Variants in ANKIB1 observed in about 807,000 individuals in gnomAD.
The protein encoded by ANKIB1 is ankyrin repeat and IBR domain containing 1, also known as ankyrin repeat and IBR domain-containing protein 1.
ANKIB1 carries 43 observed loss-of-function variants against 122.1 expected under a neutral mutation model. The observed-to-expected ratio is 0.35, with a 90% CI of 0.28 to 0.45. The LOEUF is 0.45. Among genes scored for constraint, ANKIB1 ranks in the 20% least tolerant of loss-of-function variants. The pLI is 1.00. For missense variants in ANKIB1, 992 were observed against 1,329.5 expected (o/e 0.75, Z 3.95); for synonymous variants, 390 against 442.0 (o/e 0.88, Z 1.48).
chr7:92,331,715 C>G (rs1025751654), intron 5 of ANKIB1, among the ~76,000 whole-genome samples: 2 of 152,132 alleles, frequency 1.3e-5, no homozygotes, highest in African/African-American at 4.8e-5. Context: ...ATATGTCACT[C>G]CTGTACGTAT....
intron 3 of ANKIB1, among the ~76,000 whole-genome samples, chr7:92,312,796 A>G (rs1474204971): frequency 6.6e-6 from 1 of 152,176 alleles, no homozygotes; most frequent in African/African-American, 2.4e-5. Flanking sequence ...GTACTATGTA[A>G]TGGATACTCA....
At chr7:92,301,057 T>TTATTCCATAAA (rs1258074647) in intron 2 of ANKIB1, among the ~76,000 whole-genome samples, 7 of 152,194 alleles carry the variant, frequency 4.6e-5, no homozygotes, top group Non-Finnish European at 8.8e-5. Context: ...AATATTCCAT[T>TTATTCCATAAA]GTATATATGC....
intron 2 of ANKIB1, among the ~76,000 whole-genome samples, chr7:92,298,388 T>A (rs147062277): frequency 1.4e-3 from 212 of 152,092 alleles, no homozygotes; most frequent in African/African-American, 4.9e-3. Context: ...ATAAAATGTA[T>A]TTAAGTATTA....
chr7:92,271,888 A>G (rs187601861), intron 1 of ANKIB1, among the ~76,000 whole-genome samples: 85 of 152,342 alleles, frequency 5.6e-4, no homozygotes, highest in African/African-American at 1.9e-3. Context: ...TGAAATGGAC[A>G]GGCAGGAATG....
chr7:92,323,173 A>G (rs1160267406), intron 4 of ANKIB1, among the ~76,000 whole-genome samples: 1 of 152,176 alleles, frequency 6.6e-6, no homozygotes, highest in African/African-American at 2.4e-5. Flanking sequence ...ATAAGATTTT[A>G]AACTTTGTCA....
intron 11 of ANKIB1, among the ~76,000 whole-genome samples, chr7:92,377,343 T>C (rs1804405425): frequency 6.6e-6 from 1 of 152,312 alleles, no homozygotes; most frequent in East Asian, 1.9e-4. Flanking sequence ...ATATTAAGTT[T>C]GCCATCTTAT....
intron 5 of ANKIB1, among the ~76,000 whole-genome samples, chr7:92,333,019 G>A (rs909772909): frequency 2.6e-5 from 4 of 152,122 alleles, no homozygotes; most frequent in African/African-American, 9.7e-5. Flanking sequence ...CAGAAACCTG[G>A]AACACCAACT....
At chr7:92,354,852 TC>T (rs530654447) in intron 9 of ANKIB1, among the ~76,000 whole-genome samples, 19 of 151,708 alleles carry the variant, frequency 1.3e-4, no homozygotes, top group African/African-American at 4.6e-4. Context: ...AGAGAGATCT[TC>T]ACAAATTAAA....
chr7:92,306,929 A>T (rs933433163), intron 2 of ANKIB1, among the ~76,000 whole-genome samples: 4 of 152,200 alleles, frequency 2.6e-5, no homozygotes, highest in African/African-American at 9.7e-5. Flanking sequence ...ATAACTATGT[A>T]TGCAACAAAT....
intron 1 of ANKIB1, among the ~76,000 whole-genome samples, chr7:92,250,531 T>C (rs1801307036): frequency 6.6e-6 from 1 of 152,252 alleles, no homozygotes; most frequent in African/African-American, 2.4e-5. Context: ...GTTTACCTTT[T>C]TTTCCCTCTA....
intron 1 of ANKIB1, among the ~76,000 whole-genome samples, chr7:92,265,984 A>G (rs1476261762): frequency 6.6e-6 from 1 of 152,230 alleles, no homozygotes; most frequent in East Asian, 1.9e-4. Flanking sequence ...CTAAAACAGA[A>G]TGAGATCAAC....
intron 3 of ANKIB1, among the ~76,000 whole-genome samples, chr7:92,316,074 A>AG (rs1297228017): frequency 6.6e-6 from 1 of 152,134 alleles, no homozygotes; most frequent in Non-Finnish European, 1.5e-5. Context: ...GAATAGAAGA[A>AG]CAGATGTGCT....
At chr7:92,329,795 C>A (rs940447400) in intron 5 of ANKIB1, among the ~76,000 whole-genome samples, 60 of 152,180 alleles carry the variant, frequency 3.9e-4, no homozygotes, top group African/African-American at 1.4e-3. Context: ...CCTTCACTCT[C>A]CCTAGCTCTT....
chr7:92,319,007 G>GTAAC (rs1802850519), intron 3 of ANKIB1, among the ~76,000 whole-genome samples: 1 of 152,080 alleles, frequency 6.6e-6, no homozygotes, highest in Admixed American at 6.6e-5. Flanking sequence ...AAAGTACTGA[G>GTAAC]TAACTATAAG....
intron 1 of ANKIB1, among the ~76,000 whole-genome samples, chr7:92,257,815 A>G (rs1038144244): frequency 7.9e-5 from 12 of 152,226 alleles, no homozygotes; most frequent in African/African-American, 2.9e-4. Flanking sequence ...ATAAAATAAA[A>G]TAAAGATTAT....
At chr7:92,322,002 A>G (rs1802922571) in intron 4 of ANKIB1, among the ~76,000 whole-genome samples, 1 of 152,078 alleles carries the variant, frequency 6.6e-6, no homozygotes, top group Admixed American at 6.6e-5. Context: ...CTAGAAAATA[A>G]CTGAATAACT....
chr7:92,338,924 AAAAAAAAAAAT>A (rs1258131658), intron 5 of ANKIB1, among the ~76,000 whole-genome samples: 26 of 60,728 alleles, frequency 4.3e-4, no homozygotes, highest in Non-Finnish European at 7.6e-4. Flanking sequence ...AAAAAAAAAA[AAAAAAAAAAAT>A]ATATATATAT....
At chr7:92,279,624 G>A (rs1399625551) in intron 1 of ANKIB1, among the ~76,000 whole-genome samples, 1 of 152,182 alleles carries the variant, frequency 6.6e-6, no homozygotes, top group African/African-American at 2.4e-5. Context: ...TAGTTCAGCA[G>A]AGCTCATGCT....
chr7:92,376,624 T>G (rs972010898), intron 11 of ANKIB1, among the ~76,000 whole-genome samples: 2 of 151,970 alleles, frequency 1.3e-5, no homozygotes, highest in East Asian at 3.9e-4. Flanking sequence ...AATTTTTGTA[T>G]TTTTAGTAGA....
Sources: allele counts gnomAD v4.1 joint callset (sites outside exome capture counted in the v4.1 genomes callset), GRCh38; gene constraint gnomAD v4.1.1; transcripts MANE v1.5; gene names NCBI Gene and HGNC (gene_info 2026-07-23, HGNC 2026-07-21).